ZNF69: variants seen among roughly 807,000 people sequenced by gnomAD.
ZNF69 encodes zinc finger protein 69, also known as ZNF3.
ZNF69 carries 47 observed loss-of-function variants against 50.9 expected under a neutral mutation model. The observed-to-expected ratio is 0.92, with a 90% CI of 0.73 to 1.18. The LOEUF is 1.18. ZNF69 is among the 50% of genes most tolerant of loss of function. ZNF69 has a pLI of 0.00. For missense variants in ZNF69, 717 were observed against 675.1 expected, an observed-to-expected ratio of 1.06 and a Z score of -0.69; for synonymous variants, 216 against 223.1, an observed-to-expected ratio of 0.97 and a Z score of 0.29.
downstream of ZNF69, among the ~76,000 whole-genome samples, chr19:11,914,921 T>C (rs139578909): frequency 1.4e-3 from 212 of 151,330 alleles, 1 homozygote; most frequent in African/African-American, 4.8e-3. Context: ...CAGTGAAACC[T>C]GGCCAGGCAC....
At chr19:11,948,251 A>G in the ZNF69 span, 12 of 1,605,020 alleles carry the variant, frequency 7.5e-6, no homozygotes, top group Middle Eastern at 1.7e-4. Flanking sequence ...CAAACCCTTC[A>G]TGATGTGTTT....
At chr19:11,962,805 C>A in the ZNF69 span, among the ~76,000 whole-genome samples, 1 of 152,140 alleles carries the variant, frequency 6.6e-6, no homozygotes, top group Non-Finnish European at 1.5e-5. Flanking sequence ...AGAGAACAAG[C>A]TGACTTAATG....
At chr19:11,961,922 TACAC>T in the ZNF69 span, among the ~76,000 whole-genome samples, 3,062 of 145,054 alleles carry the variant, frequency 0.021, 36 homozygotes, top group East Asian at 0.052. Context: ...TGGCCTCTTT[TACAC>T]ACACACACAC....
the ZNF69 span, chr19:11,980,191 TCAATATGATGAAACC>T: frequency 1.9e-6 from 1 of 520,360 alleles, no homozygotes; most frequent in South Asian, 2.0e-5. Flanking sequence ...ACTGGCCTGA[TCAATATGATGAAACC>T]CCTGTCTCTA....
chr19:11,891,285 G>T (rs896153847), intron 1 of ZNF69, among the ~76,000 whole-genome samples: 3 of 151,846 alleles, frequency 2.0e-5, no homozygotes, highest in African/African-American at 7.3e-5. Flanking sequence ...AAATTAGCCG[G>T]GTGTGGTGGC....
At chr19:11,977,284 G>A in the ZNF69 span, 3 of 1,604,178 alleles carry the variant, frequency 1.9e-6, no homozygotes, top group Non-Finnish European at 2.6e-6. Context: ...ATGAGGCATG[G>A]CTGCAGTAAA....
At chr19:11,912,591 C>T (rs780335203) in intron 4 of ZNF69, among the ~76,000 whole-genome samples, 45 of 152,144 alleles carry the variant, frequency 3.0e-4, no homozygotes, top group Non-Finnish European at 5.7e-4. Context: ...CATGAAAGGA[C>T]TCACATGGGA....
chr19:11,966,016 A>G, the ZNF69 span, among the ~76,000 whole-genome samples: 4 of 152,140 alleles, frequency 2.6e-5, no homozygotes, highest in Non-Finnish European at 4.4e-5. Context: ...GTAGGAAGGA[A>G]TGCTGAAGGA....
At chr19:11,949,130 A>C in the ZNF69 span, 1 of 1,612,354 alleles carries the variant, frequency 6.2e-7, no homozygotes, top group South Asian at 1.1e-5. Flanking sequence ...ATATGTGGGA[A>C]AGGCTTTTAT....
At chr19:11,951,807 C>A in the ZNF69 span, among the ~76,000 whole-genome samples, 1 of 151,716 alleles carries the variant, frequency 6.6e-6, no homozygotes, top group East Asian at 1.9e-4. Flanking sequence ...CTTTTTTTGT[C>A]CTGATCCATC....
chr19:11,944,215 C>G, the ZNF69 span, among the ~76,000 whole-genome samples: 2 of 152,146 alleles, frequency 1.3e-5, no homozygotes, highest in Non-Finnish European at 2.9e-5. Flanking sequence ...TTAATTTCAC[C>G]TAATTCTCAG....
chr19:11,961,331 G>A, the ZNF69 span, among the ~76,000 whole-genome samples: 2 of 152,174 alleles, frequency 1.3e-5, no homozygotes, highest in African/African-American at 4.8e-5. Flanking sequence ...CAAAATTGCT[G>A]GCAGCAAGAT....
At chr19:11,954,138 G>A in the ZNF69 span, among the ~76,000 whole-genome samples, 1 of 152,078 alleles carries the variant, frequency 6.6e-6, no homozygotes, top group African/African-American at 2.4e-5. Context: ...ATATATGGGA[G>A]CCTTCAGAAT....
At chr19:11,966,174 G>T in the ZNF69 span, among the ~76,000 whole-genome samples, 4 of 152,158 alleles carry the variant, frequency 2.6e-5, no homozygotes, top group African/African-American at 9.7e-5. Flanking sequence ...GCCACAAGGA[G>T]TCTGTTTTTC....
chr19:11,973,453 G>A, the ZNF69 span, among the ~76,000 whole-genome samples: 8 of 152,268 alleles, frequency 5.3e-5, no homozygotes, highest in South Asian at 1.7e-3. Context: ...CAGCTCAGGT[G>A]ATTCTCCCAC....
the ZNF69 span, among the ~76,000 whole-genome samples, chr19:11,970,054 T>A: frequency 3.6e-4 from 54 of 152,112 alleles, no homozygotes; most frequent in Non-Finnish European, 5.7e-4. Flanking sequence ...CTGAATGCCT[T>A]ATGGTGGAGG....
chr19:11,975,397 T>A, the ZNF69 span, among the ~76,000 whole-genome samples: 5 of 149,968 alleles, frequency 3.3e-5, no homozygotes, highest in Non-Finnish European at 5.9e-5. Context: ...TTTTTTTTTT[T>A]ATTTTATTAT....
At chr19:11,950,357 A>G in the ZNF69 span, 9 of 1,186,506 alleles carry the variant, frequency 7.6e-6, no homozygotes, top group Non-Finnish European at 9.8e-6. Context: ...TTTCGATATC[A>G]TGAAAGGACT....
the ZNF69 span, among the ~76,000 whole-genome samples, chr19:11,954,069 A>C: frequency 2.0e-5 from 3 of 152,222 alleles, no homozygotes; most frequent in Non-Finnish European, 2.9e-5. Context: ...AAAAAATTTC[A>C]GATCAAGGAA....
Sources: gnomAD v4.1 joint callset for allele counts (sites outside exome capture counted in the v4.1 genomes callset) on GRCh38, gnomAD v4.1.1 for gene constraint, MANE v1.5 for transcripts, NCBI Gene and HGNC (gene_info 2026-07-23, HGNC 2026-07-21) for gene names.